Variants in PDE11A observed in about 807,000 individuals in gnomAD.
PDE11A encodes phosphodiesterase 11A.
A neutral mutation model predicts 100.5 loss-of-function variants in PDE11A; 100 were observed. The observed-to-expected ratio is 1.00, with a 90% CI of 0.85 to 1.18. The LOEUF is 1.18. Among genes scored for constraint, PDE11A ranks in the 50% most tolerant of loss-of-function variants. PDE11A has a pLI of 0.00. For synonymous variants in PDE11A, 381 were observed against 420.8 expected (o/e 0.91, Z 1.16); for missense variants, 1,141 against 1,152.6 (o/e 0.99, Z 0.15).
chr2:177,848,526 C>T (rs916196754), intron 5 of PDE11A, among the ~76,000 whole-genome samples: 3 of 152,068 alleles, frequency 2.0e-5, no homozygotes, highest in African/African-American at 4.8e-5. Context: ...GTGAGTTTCA[C>T]GTAAAGGGCT....
At chr2:177,705,252 T>A (rs2105415602) in intron 13 of PDE11A, among the ~76,000 whole-genome samples, 1 of 151,644 alleles carries the variant, frequency 6.6e-6, no homozygotes, top group Non-Finnish European at 1.5e-5. Context: ...CTGAGATCAA[T>A]CACATATGGA....
chr2:177,992,889 T>C (rs1248836686), intron 2 of PDE11A, among the ~76,000 whole-genome samples: 4 of 152,146 alleles, frequency 2.6e-5, no homozygotes, highest in Admixed American at 6.5e-5. Flanking sequence ...ACTTCAATGA[T>C]AGCTGGAAAA....
chr2:178,033,729 G>T (rs1030109471), intron 1 of PDE11A, among the ~76,000 whole-genome samples: 1 of 152,128 alleles, frequency 6.6e-6, no homozygotes, highest in East Asian at 1.9e-4. Flanking sequence ...AGCCAGAAGA[G>T]AGTGGGGGCC....
chr2:177,803,763 T>C (rs2082826965), intron 9 of PDE11A, among the ~76,000 whole-genome samples: 1 of 151,906 alleles, frequency 6.6e-6, no homozygotes, highest in Non-Finnish European at 1.5e-5. Context: ...CCCTTCATGA[T>C]AAAAATTCTC....
intron 10 of PDE11A, among the ~76,000 whole-genome samples, chr2:177,749,516 G>A (rs1002920156): frequency 2.6e-5 from 4 of 151,586 alleles, no homozygotes; most frequent in African/African-American, 9.7e-5. Context: ...TCCTTTCTGG[G>A]TAGTGATTGT....
intron 6 of PDE11A, among the ~76,000 whole-genome samples, chr2:177,831,805 A>G (rs2083312852): frequency 6.6e-6 from 1 of 152,240 alleles, no homozygotes; most frequent in Admixed American, 6.5e-5. Context: ...GAAATTTTGA[A>G]GTTTATCTAT....
At position 177,627,499 on chromosome 2, in the gene PDE11A, C is replaced by A. The variant is rs77345521; in HGVS notation, c.*1908G>T. On this transcript the variant is annotated 3_prime_UTR_variant, in exon 20 of 20. Transcript: ENST00000286063. ...CAGGAAAACAATGTCGCATGTAGAA[C>A]ATGGCCCCTATTTCTTTAATATCTG... 6.6e-6 allele frequency: 1 copy of A among 152,094 alleles called. No homozygotes were observed. The allele number at this position is 152,094 out of a possible 1,614,324, so 9.4% of individuals were successfully genotyped here.
chr2:177,936,104 A>G (rs2085269075), intron 2 of PDE11A, among the ~76,000 whole-genome samples: 1 of 152,212 alleles, frequency 6.6e-6, no homozygotes, highest in African/African-American at 2.4e-5. Flanking sequence ...AGATGGGTGG[A>G]ATGTTATTTG....
rs543784232 is a variant in PDE11A, at chr2:177,964,753, G to A, written c.1071+49549C>T. On this transcript the variant is annotated intron_variant, in intron 2 of 19. Coordinates refer to ENST00000286063, the MANE Select transcript of PDE11A (RefSeq NM_016953.4). ...TTAAGGCTGCATCGTATTCCATGGT[G>A]TATATCCATGTCCATCACTGATGGA... 5.3e-5 allele frequency among the ~76,000 whole-genome samples: 8 copies of A among 151,686 alleles called. No homozygotes were observed. The South Asian group carries it at 1.7e-3, about 32-fold the overall frequency.
intron 1 of PDE11A, among the ~76,000 whole-genome samples, chr2:178,050,054 A>C (rs1252449703): frequency 6.6e-6 from 1 of 152,070 alleles, no homozygotes; most frequent in Non-Finnish European, 1.5e-5. Context: ...CTGCCTCCTA[A>C]AGTGGCTTCC....
intron 10 of PDE11A, among the ~76,000 whole-genome samples, chr2:177,758,282 G>A (rs1449851180): frequency 1.6e-5 from 2 of 128,440 alleles, no homozygotes; most frequent in Non-Finnish European, 3.1e-5. Flanking sequence ...GGGTGAGAGT[G>A]CAAGACTCCG....
chr2:177,832,554 C>CATCTATCTATCT lies in PDE11A; in HGVS notation c.1500+7685_1500+7696dup, dbSNP rs58916923. The stretch of plus-strand genomic sequence containing the variant: ...GTTAATACTCCTTAATACTCACATC[C>CATCTATCTATCT]ATCTATCTATCTATCTATCTATCTA... On this transcript the variant is annotated intron_variant, in intron 6 of 19. Transcript: ENST00000286063. Among the ~76,000 whole-genome samples the CATCTATCTATCT allele has an allele frequency of 8.8e-3, 1,285 of 146,384 alleles. 13 individuals are homozygous for CATCTATCTATCT. The highest frequency in any genetic ancestry group is 0.014 in the Middle Eastern group (4 of 290).
chr2:177,907,365 A>G (rs141614360), intron 2 of PDE11A, among the ~76,000 whole-genome samples: 53 of 152,306 alleles, frequency 3.5e-4, no homozygotes, highest in African/African-American at 1.2e-3. Context: ...TTCAGTAAAC[A>G]TGCTTGCACC....
intron 10 of PDE11A, among the ~76,000 whole-genome samples, chr2:177,735,151 G>A (rs1574090774): frequency 6.6e-6 from 1 of 152,186 alleles, no homozygotes; most frequent in African/African-American, 2.4e-5. Context: ...GAAACACGGG[G>A]CACCACAGGA....
At chr2:177,881,847 C>T (rs951601586) in intron 4 of PDE11A, among the ~76,000 whole-genome samples, 4 of 152,182 alleles carry the variant, frequency 2.6e-5, no homozygotes, top group African/African-American at 9.7e-5. Flanking sequence ...GTAGACAGAC[C>T]TTTATTTTTA....
At chr2:178,010,869 G>A (rs1204020311) in intron 2 of PDE11A, among the ~76,000 whole-genome samples, 2 of 152,146 alleles carry the variant, frequency 1.3e-5, no homozygotes, top group African/African-American at 4.8e-5. Flanking sequence ...TATTAATAAG[G>A]CAAGAGATTC....
intron 1 of PDE11A, among the ~76,000 whole-genome samples, 177 bp downstream of exon 1, chr2:178,071,349 C>A (rs1261868822): frequency 6.6e-6 from 1 of 152,124 alleles, no homozygotes; most frequent in Non-Finnish European, 1.5e-5. Context: ...AAGAAAGGAC[C>A]AACACATCAA....
chr2:177,744,470 T>C (rs2081919503), intron 10 of PDE11A, among the ~76,000 whole-genome samples: 1 of 152,182 alleles, frequency 6.6e-6, no homozygotes, highest in Non-Finnish European at 1.5e-5. Context: ...CGCACCTGCC[T>C]GAATCACTGA....
chr2:177,654,757 G>T (rs1392870978), intron 19 of PDE11A, among the ~76,000 whole-genome samples: 4 of 152,092 alleles, frequency 2.6e-5, no homozygotes, highest in Non-Finnish European at 4.4e-5. Context: ...TTTCTTTACT[G>T]TTCTCATTTG....
Sources: allele counts gnomAD v4.1 joint callset (sites outside exome capture counted in the v4.1 genomes callset), GRCh38; gene constraint gnomAD v4.1.1; transcripts MANE v1.5; gene names NCBI Gene and HGNC (gene_info 2026-07-23, HGNC 2026-07-21).